Variants in NFIA observed in about 807,000 individuals in gnomAD.
NFIA encodes nuclear factor 1 A-type.
NFIA carries 8 observed loss-of-function variants against 62.8 expected under a neutral mutation model. The observed-to-expected ratio is 0.13, with a 90% CI of 0.07 to 0.23. The LOEUF (loss-of-function observed/expected upper bound fraction) is 0.23. Among genes scored for constraint, NFIA ranks in the 10% least tolerant of loss-of-function variants. The probability of loss-of-function intolerance (pLI) is 1.00; values close to 1 mark genes in which losing one functional copy is unlikely to be tolerated. For missense variants in NFIA, 410 were observed against 642.1 expected, an observed-to-expected ratio of 0.64 and a Z score of 3.91; for synonymous variants, 235 against 238.1, an observed-to-expected ratio of 0.99 and a Z score of 0.12.
intron 2 of NFIA, among the ~76,000 whole-genome samples, chr1:61,127,798 TC>T (rs1647002065): frequency 1.3e-5 from 2 of 152,180 alleles, no homozygotes; most frequent in Admixed American, 6.5e-5. Context: ...TTCACTTTTT[TC>T]CCCTACTTTT....
chr1:61,383,361 C>A lies in NFIA; in HGVS notation c.1071C>A (p.Pro357=), dbSNP rs760334031. The change falls in exon 7 of 11, where the codon CCC becomes CCA. Residue 357 remains proline (P), a synonymous_variant. Transcript: ENST00000403491. The stretch of plus-strand genomic sequence containing the variant: ...ATCACCGACCTGTCATTACAGGACC[C>A]AGAGGTGAGCTGCTCCACAGGCACC... ...TQHHRPVITG[P]RASPHATPST... The A allele has an allele frequency of 6.2e-7, 1 of 1,613,816 alleles. No homozygotes were observed. Among genetic ancestry groups the A allele is most frequent in the Non-Finnish European group, 8.5e-7 (1 of 1,179,840 alleles).
intron 9 of NFIA, among the ~76,000 whole-genome samples, chr1:61,423,031 A>G: frequency 6.6e-6 from 1 of 152,154 alleles, no homozygotes; most frequent in Non-Finnish European, 1.5e-5. Context: ...TGGATATGGG[A>G]TCAAATTCTG....
At chr1:61,269,207 C>T (rs978760464) in intron 2 of NFIA, among the ~76,000 whole-genome samples, 34 of 145,078 alleles carry the variant, frequency 2.3e-4, no homozygotes, top group African/African-American at 7.9e-4. Context: ...CAACTCTTCA[C>T]GTATAGAATT....
At chr1:61,137,331 AAAAG>A (rs1337252964) in intron 2 of NFIA, among the ~76,000 whole-genome samples, 6 of 152,212 alleles carry the variant, frequency 3.9e-5, no homozygotes, top group Non-Finnish European at 8.8e-5. Flanking sequence ...AGATAAGGAA[AAAAG>A]AGATTCAGAA....
At chr1:61,211,654 A>G (rs1219005342) in intron 2 of NFIA, among the ~76,000 whole-genome samples, 1 of 152,200 alleles carries the variant, frequency 6.6e-6, no homozygotes, top group African/African-American at 2.4e-5. Context: ...TCTCCCACAT[A>G]TTCCGTCAAT....
At chr1:61,120,160 G>A (rs1646865232) in intron 2 of NFIA, among the ~76,000 whole-genome samples, 1 of 152,116 alleles carries the variant, frequency 6.6e-6, no homozygotes. Context: ...GATTTGGTTT[G>A]AGCTCTGTAA....
rs534611097 is a variant in NFIA at position 61,257,866 on chromosome 1, T to G, written c.560-19654T>G. ...CTAGGACTACATGCTTAGCTGTTTT[T>G]TTTTTTTTTTCTTTTTTTCTTTTTT... is the stretch of plus-strand genomic sequence containing the variant. On this transcript the variant is annotated intron_variant, in intron 2 of 10. Coordinates refer to ENST00000403491, the MANE Select transcript of NFIA (RefSeq NM_001134673.4). Among the ~76,000 whole-genome samples, 13 of 144,874 alleles carry G rather than the reference T, an allele frequency of 9.0e-5. No individual in the cohort carries two copies. In the South Asian group the frequency reaches 1.6e-3, roughly 18 times the overall value.
chr1:61,301,829 G>A (rs932080789), intron 3 of NFIA, among the ~76,000 whole-genome samples: 5 of 152,244 alleles, frequency 3.3e-5, no homozygotes, highest in African/African-American at 4.8e-5. Flanking sequence ...AGAACTTTGG[G>A]TTCTTCAAGG....
chr1:61,088,714 TTG>T lies in NFIA; in HGVS notation c.559+42_559+43del, dbSNP rs1557556330. On this transcript the variant is annotated intron_variant, in intron 2 of 10. Coordinates refer to ENST00000403491, the MANE Select transcript of NFIA (RefSeq NM_001134673.4). This position sits in a 1 kb window ranked among gnomAD's most constrained non-coding sequence, Gnocchi z 4.5. ...GATGGTGAGAATTCCTCCCACTTTC[TTG>T]TGTGTGTTTCTTTCCTGATGGCCTC... The T allele has an allele frequency of 6.3e-7, 1 of 1,581,020 alleles. No homozygotes were observed. The highest frequency in any genetic ancestry group is 2.2e-5 in the East Asian group (1 of 44,554).
At chr1:61,243,604 T>C (rs1018110732) in intron 2 of NFIA, among the ~76,000 whole-genome samples, 2 of 152,214 alleles carry the variant, frequency 1.3e-5, no homozygotes, top group African/African-American at 4.8e-5. Context: ...CTAACGTTGT[T>C]GTAGCTGAGG....
chr1:61,228,780 G>A (rs931034894), intron 2 of NFIA, among the ~76,000 whole-genome samples: 3 of 151,936 alleles, frequency 2.0e-5, no homozygotes, highest in African/African-American at 7.3e-5. Flanking sequence ...CCTGATTTAT[G>A]TTTATATCTT....
intron 5 of NFIA, among the ~76,000 whole-genome samples, chr1:61,356,176 T>TTTAGTATC (rs1394056056): frequency 1.3e-5 from 2 of 152,186 alleles, no homozygotes; most frequent in South Asian, 2.1e-4. Flanking sequence ...TCAGCAGTTT[T>TTTAGTATC]TTAGTATCTT....
At chr1:61,246,401 T>TA (rs1369443611) in intron 2 of NFIA, among the ~76,000 whole-genome samples, 1 of 152,192 alleles carries the variant, frequency 6.6e-6, no homozygotes, top group Non-Finnish European at 1.5e-5. Context: ...GCCGTATACT[T>TA]AAAATGCAAC....
intron 2 of NFIA, among the ~76,000 whole-genome samples, chr1:61,245,848 T>A (rs1655608538): frequency 6.6e-6 from 1 of 152,196 alleles, no homozygotes; most frequent in Non-Finnish European, 1.5e-5. Flanking sequence ...ATTTAAATAC[T>A]TAGAGCTCAC....
chr1:61,399,324 A>G (rs1344433583), intron 7 of NFIA, among the ~76,000 whole-genome samples: 5 of 152,182 alleles, frequency 3.3e-5, no homozygotes, highest in African/African-American at 1.2e-4. Context: ...TTAAGAGCAC[A>G]CTGTGCCTGA....
chr1:61,155,508 C>T (rs1226475875), intron 2 of NFIA, among the ~76,000 whole-genome samples: 1 of 151,366 alleles, frequency 6.6e-6, no homozygotes, highest in Non-Finnish European at 1.5e-5. Context: ...CCCGTCTCTA[C>T]TAAAAATACA....
intron 2 of NFIA, among the ~76,000 whole-genome samples, chr1:61,136,054 A>G (rs571418519): frequency 7.2e-5 from 11 of 152,380 alleles, no homozygotes; most frequent in Admixed American, 1.3e-4. Context: ...GAGATATACT[A>G]CATCATGTAA....
chr1:61,220,662 A>G (rs761235343), intron 2 of NFIA, among the ~76,000 whole-genome samples: 1 of 152,186 alleles, frequency 6.6e-6, no homozygotes, highest in Non-Finnish European at 1.5e-5. Flanking sequence ...TAATAATGGC[A>G]TGTATTTATC....
chr1:61,419,337 C>G (rs915673686), intron 9 of NFIA, among the ~76,000 whole-genome samples: 7 of 152,158 alleles, frequency 4.6e-5, no homozygotes, highest in African/African-American at 1.7e-4. Flanking sequence ...GTAGTCCTAA[C>G]TACCGGAAAA....
Sources: gnomAD v4.1 joint callset for allele counts (sites outside exome capture counted in the v4.1 genomes callset) on GRCh38, gnomAD v4.1.1 for gene constraint, Gnocchi (gnomAD v3.1) non-coding constraint, MANE v1.5 for transcripts, NCBI Gene and HGNC (gene_info 2026-07-23, HGNC 2026-07-21) for gene names.